MAD1L1: variants seen among roughly 807,000 people sequenced by gnomAD.
MAD1L1 encodes the protein mitotic arrest deficient 1 like 1, also known as mitotic spindle assembly checkpoint protein MAD1.
In MAD1L1, 95 loss-of-function variants were observed where a neutral mutation model predicts 96.9. The observed-to-expected ratio is 0.98, with a 90% confidence interval of 0.83 to 1.16. The LOEUF is 1.16. Among genes scored for constraint, MAD1L1 ranks in the 50% most tolerant of loss-of-function variants. MAD1L1 has a pLI of 0.00. For missense variants in MAD1L1, 1,007 were observed against 954.4 expected (o/e 1.06, Z -0.73); for synonymous variants, 473 against 396.6 (o/e 1.19, Z -2.29).
At chr7:1,997,884 G>A (rs964657943) in intron 14 of MAD1L1, among the ~76,000 whole-genome samples, 3 of 152,172 alleles carry the variant, frequency 2.0e-5, no homozygotes, top group Admixed American at 6.5e-5. Context: ...CTCGTCCCTC[G>A]GGAGCCCTGC....
intron 7 of MAD1L1, among the ~76,000 whole-genome samples, chr7:2,216,631 T>C (rs1793297797): frequency 6.6e-6 from 1 of 152,180 alleles, no homozygotes; most frequent in South Asian, 2.1e-4. Flanking sequence ...CACTGATGTG[T>C]CCAGGCAGGT....
intron 17 of MAD1L1, among the ~76,000 whole-genome samples, chr7:1,907,604 A>G (rs572498477): frequency 6.6e-6 from 1 of 152,242 alleles, no homozygotes; most frequent in Non-Finnish European, 1.5e-5. Context: ...GGCTCCATAC[A>G]CTGCCTGTGC....
chr7:2,044,910 C>T (rs186209888), intron 12 of MAD1L1, among the ~76,000 whole-genome samples: 1 of 152,186 alleles, frequency 6.6e-6, no homozygotes, highest in South Asian at 2.1e-4. Context: ...AAACCCGAGC[C>T]CCGGGCCAGG....
At chr7:1,817,590 GTCAGGGC>G (rs1781884563) in intron 18 of MAD1L1, 1 of 152,238 alleles carries the variant, frequency 6.6e-6, no homozygotes, top group African/African-American at 2.4e-5. Context: ...GGAGGGGCAC[GTCAGGGC>G]TCAGGGCCAG....
At position 1,949,808 on chromosome 7, in the gene MAD1L1, A is replaced by T. The variant is rs116253815; in HGVS notation, c.1596+7821T>A. Among the ~76,000 whole-genome samples the T allele has an allele frequency of 5.4e-3, 819 of 151,738 alleles. 11 individuals carry two copies. Among genetic ancestry groups the T allele is most frequent in the African/African-American group, 0.019 (784 of 41,350 alleles). On this transcript the variant is annotated intron_variant, in intron 16 of 18. Transcript: ENST00000265854. Reference sequence around the variant, plus strand: ...ATGTCCAAGAGCCGCGGGGACTGGCACCCCGTGCGGGGCACTTGCAGACAG... The same window carrying T: ...ATGTCCAAGAGCCGCGGGGACTGGCTCCCCGTGCGGGGCACTTGCAGACAG...
chr7:2,083,656 G>A (rs3778948), intron 11 of MAD1L1, among the ~76,000 whole-genome samples: 6,935 of 152,286 alleles, frequency 0.046, 256 homozygotes, highest in African/African-American at 0.095. Flanking sequence ...CAACGGCATC[G>A]GACGCTAGGA....
chr7:1,910,516 G>A (rs1385204591), intron 17 of MAD1L1, among the ~76,000 whole-genome samples: 1 of 152,228 alleles, frequency 6.6e-6, no homozygotes, highest in Non-Finnish European at 1.5e-5. Flanking sequence ...GCCCACGCTG[G>A]GCACTGCCCT....
At chr7:2,224,229 C>T (rs1793762980) in intron 4 of MAD1L1, among the ~76,000 whole-genome samples, 2 of 152,158 alleles carry the variant, frequency 1.3e-5, no homozygotes, top group South Asian at 4.1e-4. Flanking sequence ...GCCATACCAT[C>T]AGCATGCTGC....
intron 18 of MAD1L1, among the ~76,000 whole-genome samples, chr7:1,890,458 C>T (rs576029255): frequency 1.9e-3 from 294 of 152,370 alleles, no homozygotes; most frequent in Non-Finnish European, 3.2e-3. Flanking sequence ...CTTCATCTCC[C>T]GCCATGAGTG....
intron 16 of MAD1L1, among the ~76,000 whole-genome samples, chr7:1,939,015 A>G (rs1778792330): frequency 8.8e-6 from 1 of 113,076 alleles, no homozygotes. Context: ...ACACACACAC[A>G]CACACACATG....
chr7:2,205,107 T>TTTTTTTTTATA (rs1792530758), intron 10 of MAD1L1, among the ~76,000 whole-genome samples: 1 of 96,694 alleles, frequency 1.0e-5, no homozygotes. Flanking sequence ...TTTTTTTTTT[T>TTTTTTTTTATA]GCTTATTCTA....
rs60112930 is a variant in MAD1L1, at chr7:2,048,201, G to A, written c.1218+20993C>T. Among the ~76,000 whole-genome samples the A allele has an allele frequency of 8.5e-3, 1,302 of 152,322 alleles. 21 individuals are homozygous for A. Among genetic ancestry groups the A allele is most frequent in the African/African-American group, 0.03 (1,254 of 41,572 alleles). ...CGGGTGCACGCATGTGCACACTGAC[G>A]CACACGCGTGCTCTCAGACACCATG... On this transcript the variant is annotated intron_variant, in intron 12 of 18. Coordinates refer to ENST00000265854, the MANE Select transcript of MAD1L1 (RefSeq NM_001013836.2).
chr7:2,176,388 T>C (rs976511249), intron 10 of MAD1L1, among the ~76,000 whole-genome samples: 1 of 152,000 alleles, frequency 6.6e-6, no homozygotes. Context: ...ATATTGAACA[T>C]TTTCCCCCAG....
intron 10 of MAD1L1, among the ~76,000 whole-genome samples, chr7:2,201,282 G>A (rs188620148): frequency 2.0e-4 from 28 of 140,720 alleles, no homozygotes; most frequent in East Asian, 1.8e-3. Context: ...CTCGGCTGGC[G>A]CTGGCTTCAA....
intron 17 of MAD1L1, among the ~76,000 whole-genome samples, chr7:1,901,416 C>A (rs55913423): frequency 6.6e-6 from 1 of 152,178 alleles, no homozygotes; most frequent in Non-Finnish European, 1.5e-5. Context: ...TCTCAGAGAC[C>A]CCAGAAGCCA....
intron 12 of MAD1L1, among the ~76,000 whole-genome samples, chr7:2,062,973 C>A (rs1022882394): frequency 6.6e-6 from 1 of 152,120 alleles, no homozygotes; most frequent in African/African-American, 2.4e-5. Context: ...GCTCTATGTA[C>A]AGAAAACATA....
chr7:2,213,182 G>A lies in MAD1L1; in HGVS notation c.986+30C>T, dbSNP rs760748878. The A allele has an allele frequency of 6.3e-5, 102 of 1,612,636 alleles. No homozygotes were observed. In the Admixed American group the frequency reaches 7.2e-4, roughly 11 times the overall value. ...TCACCCAGGACCCTTCAAAGAAGGC[G>A]GGACCCCGGAGACACCTGCCCTTCC... On this transcript the variant is annotated intron_variant, in intron 10 of 18. Transcript: ENST00000265854.
chr7:1,914,431 G>C (rs1390016548), intron 17 of MAD1L1, among the ~76,000 whole-genome samples: 1 of 152,222 alleles, frequency 6.6e-6, no homozygotes, highest in Non-Finnish European at 1.5e-5. Flanking sequence ...CCGAAGATGT[G>C]CGCTCCGGCT....
At chr7:1,944,027 G>A (rs530662876) in intron 16 of MAD1L1, among the ~76,000 whole-genome samples, 3 of 152,296 alleles carry the variant, frequency 2.0e-5, no homozygotes. Context: ...TTGAACAAGG[G>A]AAGTGAGAAA....
Sources: gnomAD v4.1 joint callset for allele counts (sites outside exome capture counted in the v4.1 genomes callset) on GRCh38, gnomAD v4.1.1 for gene constraint, MANE v1.5 for transcripts, NCBI Gene and HGNC (gene_info 2026-07-23, HGNC 2026-07-21) for gene names.